Variants in SAMD15 observed in about 807,000 individuals in gnomAD.
The protein encoded by SAMD15 is sterile alpha motif domain-containing protein 15.
SAMD15 carries 37 observed loss-of-function variants against 50.5 expected under a neutral mutation model. The observed-to-expected ratio is 0.73, with a 90% confidence interval of 0.56 to 0.96. The LOEUF (loss-of-function observed/expected upper bound fraction) is 0.96, where lower values mean the gene tolerates loss of function less well. Ranked by LOEUF, SAMD15 falls within the 40% of genes least tolerant of loss-of-function variation. The probability of loss-of-function intolerance (pLI) is 0.00; values close to 1 mark genes in which losing one functional copy is unlikely to be tolerated. For missense variants in SAMD15, 789 were observed against 783.8 expected, an observed-to-expected ratio of 1.01 and a Z score of -0.08; for synonymous variants, 255 against 282.8, an observed-to-expected ratio of 0.90 and a Z score of 0.99.
Position 77,391,278 on chromosome 14 carries a change from A to G in SAMD15, c.*34A>G. On this transcript the variant is annotated 3_prime_UTR_variant, in exon 3 of 3. Transcript: ENST00000216471. ...CACTTCACAGAGCTTGAAAGATCAA[A>G]CTAAATTACTTGAGGGAAGAGGTAT... The G allele has an allele frequency of 7.5e-7, 1 of 1,339,518 alleles. No homozygotes were observed. The highest frequency in any genetic ancestry group is 1.1e-6 in the Non-Finnish European group (1 of 947,474). 83.0% of individuals were successfully genotyped at this position (1,339,518 alleles called of 1,614,324 possible). A position where few individuals can be genotyped will look rare whatever the true frequency, so the allele number is the denominator to read the frequency against.
chr14:77,379,536 C>T (rs920026809), intron 1 of SAMD15, among the ~76,000 whole-genome samples: 8 of 152,072 alleles, frequency 5.3e-5, no homozygotes, highest in African/African-American at 1.7e-4. Flanking sequence ...GGACTACAGG[C>T]GCCCGCCACC....
intron 2 of SAMD15, among the ~76,000 whole-genome samples, chr14:77,382,258 G>A (rs1224533737): frequency 6.6e-6 from 1 of 152,048 alleles, no homozygotes; most frequent in Non-Finnish European, 1.5e-5. Flanking sequence ...CCGAGTAGCT[G>A]GGACTACAGG....
intron 2 of SAMD15, among the ~76,000 whole-genome samples, chr14:77,389,247 G>A (rs1241826558): frequency 6.6e-6 from 1 of 152,030 alleles, no homozygotes; most frequent in African/African-American, 2.4e-5. Context: ...TATCTAAAAG[G>A]CATTGCTAAT....
intron 2 of SAMD15, among the ~76,000 whole-genome samples, chr14:77,387,544 T>C (rs979793047): frequency 1.3e-5 from 2 of 152,160 alleles, no homozygotes; most frequent in African/African-American, 4.8e-5. Flanking sequence ...TAAAAATCAC[T>C]GAATAGGAGG....
At chr14:77,390,559 G>A (rs1894060508) in intron 2 of SAMD15, among the ~76,000 whole-genome samples, 1 of 152,168 alleles carries the variant, frequency 6.6e-6, no homozygotes, top group Admixed American at 6.5e-5. Flanking sequence ...AGGCTAGTAA[G>A]CCTGTGAATT....
Position 77,380,428 on chromosome 14 carries a change from G to A in SAMD15, c.1735G>A (p.Val579Ile), listed in dbSNP as rs766411092. The change falls in exon 2 of 3, where the codon GTC becomes ATC. Residue 579 changes from valine to isoleucine, a missense_variant. Around this residue, in one of 2 missense-constraint regions of SAMD15, gnomAD observed 770 missense variants for 745.4 expected, o/e 1.03. Transcript: ENST00000216471. ...CATCAGTGGCCGAAAACTCATTCAC[G>A]TCAACTGCTCAAACCTCCCTCAGAT... ...NFISGRKLIH[V>I]NCSNLPQMGI... 1.4e-5 allele frequency: 22 copies of A among 1,613,526 alleles called. No homozygotes were observed. Among genetic ancestry groups the A allele is most frequent in the East Asian group, 4.5e-5 (2 of 44,874 alleles).
rs769282927 is a variant in SAMD15, at chr14:77,378,707, C to CT, written c.1290dup (p.Lys431Ter). 8.1e-6 allele frequency: 13 copies of CT among 1,613,854 alleles called. No homozygotes were observed. The highest frequency in any genetic ancestry group is 6.7e-5 in the African/African-American group (5 of 74,882). ...GAAGACAGGCCAGAACCAATAAAGT[C>CT]TAAGTATTCTGTAGGAAACGATGAG... On this transcript the variant is annotated frameshift_variant, in exon 1 of 3. Transcript: ENST00000216471. LOFTEE classifies it high-confidence loss of function.
chr14:77,381,468 G>A (rs1157202688), intron 2 of SAMD15, among the ~76,000 whole-genome samples: 7 of 152,136 alleles, frequency 4.6e-5, no homozygotes, highest in Admixed American at 4.6e-4. Flanking sequence ...GCACACCCAT[G>A]CCCAGAAATG....
At position 77,389,561 on chromosome 14, in the gene SAMD15, T is replaced by C. The variant is rs145537779; in HGVS notation, c.1789-1447T>C. 9.1e-3 allele frequency among the ~76,000 whole-genome samples: 1,295 copies of C among 142,564 alleles called. 19 individuals are homozygous for C. Among genetic ancestry groups the C allele is most frequent in the Middle Eastern group, 0.041 (10 of 244 alleles). 93.5% of individuals were successfully genotyped at this position (142,564 alleles called of 152,430 possible). On this transcript the variant is annotated intron_variant, in intron 2 of 2. Transcript: ENST00000216471. ...TGTCACCTAGGCGGGAGTAGAGTGGTGCGATCTCGGCTCACTGCAGCCTCC... is the reference window on the plus strand; with the variant it reads ...TGTCACCTAGGCGGGAGTAGAGTGGCGCGATCTCGGCTCACTGCAGCCTCC...
intron 2 of SAMD15, among the ~76,000 whole-genome samples, chr14:77,382,667 T>C (rs1893957603): frequency 6.6e-6 from 1 of 152,206 alleles, no homozygotes; most frequent in Non-Finnish European, 1.5e-5. Context: ...TTTGTTACCA[T>C]AAACTTCCAT....
intron 2 of SAMD15, among the ~76,000 whole-genome samples, chr14:77,383,061 C>G (rs1255992551): frequency 6.6e-6 from 1 of 152,146 alleles, no homozygotes; most frequent in Admixed American, 6.5e-5. Flanking sequence ...ACTTAACTAC[C>G]AAGTACTGCC....
chr14:77,379,423 G>C (rs1434338843), intron 1 of SAMD15, among the ~76,000 whole-genome samples: 3 of 146,990 alleles, frequency 2.0e-5, no homozygotes, highest in Non-Finnish European at 4.5e-5. Context: ...TCTCGCTCTT[G>C]CCAAGGTTGG....
intron 2 of SAMD15, among the ~76,000 whole-genome samples, chr14:77,384,156 T>G (rs918458795): frequency 6.6e-6 from 1 of 152,234 alleles, no homozygotes; most frequent in Middle Eastern, 3.4e-3. Flanking sequence ...AGTTAAATAG[T>G]ATAGTTATCT....
chr14:77,389,485 A>G (rs1279112958), intron 2 of SAMD15, among the ~76,000 whole-genome samples: 1 of 150,036 alleles, frequency 6.7e-6, no homozygotes, highest in Non-Finnish European at 1.5e-5. Flanking sequence ...GAATTTGAAA[A>G]GGCAATCACA....
chr14:77,383,467 A>G (rs949343258), intron 2 of SAMD15, among the ~76,000 whole-genome samples: 5 of 152,244 alleles, frequency 3.3e-5, no homozygotes, highest in African/African-American at 1.2e-4. Context: ...AAGAGGTTTT[A>G]AAAATCTTCT....
Position 77,391,360 on chromosome 14 carries a change from G to GCAAGAC in SAMD15, c.*116_*117insCAAGAC. ...TTTTTTTTTATTTTTTTGAGACAGA[G>GCAAGAC]TCTTGCTCTGTCGCCCAGGCTGGAG... On this transcript the variant is annotated 3_prime_UTR_variant, in exon 3 of 3. Transcript: ENST00000216471. 3.0e-6 allele frequency: 2 copies of GCAAGAC among 659,028 alleles called. No individual in the cohort carries two copies. The highest frequency in any genetic ancestry group is 5.1e-6 in the Non-Finnish European group (2 of 395,808). The allele number at this position is 659,028 out of a possible 1,614,324, so 40.8% of individuals were successfully genotyped here.
chr14:77,383,999 A>C (rs968964246), intron 2 of SAMD15, among the ~76,000 whole-genome samples: 3 of 146,510 alleles, frequency 2.0e-5, no homozygotes, highest in Non-Finnish European at 4.6e-5. Flanking sequence ...AAAAAAAAAA[A>C]AAAACCTGAT....
intron 1 of SAMD15, 82 bp from the exon 2 acceptor site, chr14:77,380,298 ACTT>A (rs776065946): frequency 4.7e-6 from 4 of 855,786 alleles, no homozygotes; most frequent in Non-Finnish European, 8.0e-6. Context: ...AACAAACACG[ACTT>A]CTTCCCTTCC....
chr14:77,377,425 G>C lies in SAMD15; in HGVS notation c.7G>C (p.Glu3Gln). 1.2e-6 allele frequency: 2 copies of C among 1,603,678 alleles called. No homozygotes were observed. The highest frequency in any genetic ancestry group is 1.7e-6 in the Non-Finnish European group (2 of 1,175,108). Residue 3 changes from glutamate (E) to glutamine (Q), a missense_variant, in exon 1 of 3, where the codon GAA (glutamate) becomes CAA (glutamine). Glu to Gln is a conservative substitution (Grantham distance 29, BLOSUM62 2). This residue lies in a region of SAMD15 where 770 missense variants were observed against 745.4 expected (regional missense o/e 1.03). Transcript: ENST00000216471. ...CGCGTCTGCTAAGCTGCAAATGGCTGAAGTCCCGGAGGATTATGATTCCGG... is the reference window on the plus strand; with the variant it reads ...CGCGTCTGCTAAGCTGCAAATGGCTCAAGTCCCGGAGGATTATGATTCCGG... MA[E>Q]VPEDYDSGPD...
Sources: gnomAD v4.1 joint callset for allele counts (sites outside exome capture counted in the v4.1 genomes callset) on GRCh38, gnomAD v4.1.1 for gene constraint, gnomAD v4.1.1 regional missense constraint, MANE v1.5 for transcripts, NCBI Gene and HGNC (gene_info 2026-07-23, HGNC 2026-07-21) for gene names.